Variants in ZNF780A observed in about 807,000 individuals in gnomAD.
ZNF780A encodes the protein zinc finger protein 780A.
Under a neutral mutation model 56.7 loss-of-function variants are expected in ZNF780A, and 40 were observed. That is an observed-to-expected ratio of 0.71 (90% CI 0.55 to 0.92). The LOEUF is 0.92. Among genes scored for constraint, ZNF780A ranks in the 40% least tolerant of loss-of-function variants. ZNF780A has a pLI of 0.00. For synonymous variants in ZNF780A, 231 were observed against 248.3 expected (o/e 0.93, Z 0.66); for missense variants, 672 against 783.3 (o/e 0.86, Z 1.70).
chr19:40,083,859 G>T (rs1332673761), intron 3 of ZNF780A, among the ~76,000 whole-genome samples: 2 of 151,744 alleles, frequency 1.3e-5, no homozygotes, highest in South Asian at 2.1e-4. Context: ...GTTGAGGATG[G>T]CCAGGGCCTC....
At chr19:40,086,374 C>T (rs1214242648) in intron 2 of ZNF780A, among the ~76,000 whole-genome samples, 3 of 152,112 alleles carry the variant, frequency 2.0e-5, no homozygotes, top group Non-Finnish European at 2.9e-5. Flanking sequence ...GAGCCTGTCA[C>T]GAGATTCAAC....
At chr19:40,086,784 C>A (rs550599771) in intron 2 of ZNF780A, among the ~76,000 whole-genome samples, 1 of 152,164 alleles carries the variant, frequency 6.6e-6, no homozygotes, top group Non-Finnish European at 1.5e-5. Flanking sequence ...CTCACTGCAA[C>A]CTCAGCCTCC....
At position 40,075,896 on chromosome 19, in the gene ZNF780A, C is replaced by T; in HGVS notation, c.546G>A (p.Gln182=). 1 of 1,614,066 alleles carries T rather than the reference C, an allele frequency of 6.2e-7. No individual in the cohort carries two copies. The highest frequency in any genetic ancestry group is 8.5e-7 in the Non-Finnish European group (1 of 1,179,994). ...TCTCTCCAGTATGAATACTCTGATG[C>T]TGAATAAGATTTGCACTACGACTAA... is the stretch of plus-strand genomic sequence containing the variant. ...KYFSRSANLI[Q]HQSIHTGEKP... The change falls in exon 6 of 6, where the codon CAG becomes CAA. Residue 182 remains glutamine (Q), a synonymous_variant. Coordinates refer to ENST00000683561, the MANE Select transcript of ZNF780A (RefSeq NM_001142578.2).
At chr19:40,089,435 T>C (rs946931083) in intron 2 of ZNF780A, 2 of 580,292 alleles carry the variant, frequency 3.4e-6, no homozygotes, top group Non-Finnish European at 5.4e-6. Flanking sequence ...TCAAGGGGAA[T>C]GACTTAAAAT....
chr19:40,074,553 C>T lies in ZNF780A; in HGVS notation c.1889G>A (p.Arg630His), dbSNP rs199635390. ...CTCACCTGTGTGAATGTTCTTATGG[C>T]GATTAAGCTGGGTGGGAAGACTAAA... The part of the protein sequence containing the change: ...KVFSLPTQLN[R>H]HKNIHTGEKA... The change falls in exon 6 of 6, where the codon CGC (arginine) becomes CAC (histidine). Residue 630 changes from arginine (R) to histidine (H), a missense_variant. By Grantham distance (29) the Arg-to-His change is conservative (BLOSUM62 0). Coordinates refer to ENST00000683561, the MANE Select transcript of ZNF780A (RefSeq NM_001142578.2). The T allele has an allele frequency of 2.4e-5, 39 of 1,613,710 alleles. No individual in the cohort carries two copies. The highest frequency in any genetic ancestry group is 1.6e-4 in the Middle Eastern group (1 of 6,080).
intron 3 of ZNF780A, among the ~76,000 whole-genome samples, chr19:40,083,785 A>G (rs558433475): frequency 1.3e-5 from 2 of 152,048 alleles, no homozygotes; most frequent in Non-Finnish European, 2.9e-5. Context: ...ACTGATTTTT[A>G]TAAGCTGCAT....
intron 5 of ZNF780A, 132 bp downstream of exon 5, chr19:40,081,687 G>C: frequency 1.4e-6 from 1 of 694,184 alleles, no homozygotes; most frequent in Admixed American, 2.5e-5. Context: ...CCCAGGTCTT[G>C]GGCATTTTTA....
intron 4 of ZNF780A, 95 bp downstream of exon 4, chr19:40,083,015 CA>C: frequency 6.3e-7 from 1 of 1,592,664 alleles, no homozygotes; most frequent in South Asian, 1.1e-5. Flanking sequence ...AGAAGGAATT[CA>C]GCCACCTCTT....
At position 40,075,698 on chromosome 19, in the gene ZNF780A, C is replaced by T. The variant is rs755670108; in HGVS notation, c.744G>A (p.Leu248=). 9 of 1,614,070 alleles carry T rather than the reference C, an allele frequency of 5.6e-6. No homozygotes were observed. Among genetic ancestry groups the T allele is most frequent in the South Asian group, 2.2e-5 (2 of 91,072 alleles). ...RHKNIHTGEK[L]FECKECGKSF... ...ACTTCCCACATTCCTTACATTCAAA[C>T]AGTTTCTCACCTGTGTGAATGTTCT... The change falls in exon 6 of 6, where the codon CTG becomes CTA. Residue 248 remains leucine (L), a synonymous_variant. Transcript: ENST00000683561.
In ZNF780A at chr19:40,075,916, G is replaced by A. The variant is rs748203013; in HGVS notation, c.526C>T (p.Arg176Cys). The change falls in exon 6 of 6, where the codon CGT becomes TGT. Residue 176 changes from arginine (R) to cysteine (C), a missense_variant. Arg to Cys is a radical substitution (Grantham distance 180). Coordinates refer to ENST00000683561, the MANE Select transcript of ZNF780A (RefSeq NM_001142578.2). Reference protein sequence around the residue: ...ECKECGKYFSRSANLIQHQSI... With the variant: ...ECKECGKYFSCSANLIQHQSI... The stretch of plus-strand genomic sequence containing the variant: ...TGATGCTGAATAAGATTTGCACTAC[G>A]ACTAAAGTATTTCCCACATTCCTTA... 142 of 1,613,966 alleles carry A rather than the reference G, an allele frequency of 8.8e-5. No homozygotes were observed. Among genetic ancestry groups the A allele is most frequent in the South Asian group, 1.4e-4 (13 of 91,082 alleles).
chr19:40,088,641 T>C (rs559580716), intron 2 of ZNF780A, among the ~76,000 whole-genome samples: 1 of 152,210 alleles, frequency 6.6e-6, no homozygotes, highest in Non-Finnish European at 1.5e-5. Context: ...GCCATCCCAC[T>C]ACTGGGAATA....
intron 5 of ZNF780A, among the ~76,000 whole-genome samples, chr19:40,081,504 C>T (rs1974473319): frequency 6.7e-6 from 1 of 148,992 alleles, no homozygotes; most frequent in East Asian, 2.0e-4. Flanking sequence ...CTGCACTCCA[C>T]ACTGCAGGAC....
chr19:40,090,305 C>G (rs1975084320), intron 1 of ZNF780A, 70 bp from the exon 2 acceptor site: 1 of 152,134 alleles, frequency 6.6e-6, no homozygotes, highest in African/African-American at 2.4e-5. Flanking sequence ...TGAAAACACC[C>G]TCCCTCCATA....
chr19:40,083,369 A>G lies in ZNF780A; in HGVS notation c.10-132T>C, dbSNP rs185780755. On this transcript the variant is annotated intron_variant, in intron 3 of 5. Transcript: ENST00000683561. ...TCACAGAGTGCCTGCACATTCTTCAAGAAGTCTCCTGCTGGCTGAGTATGG... is the reference window on the plus strand; with the variant it reads ...TCACAGAGTGCCTGCACATTCTTCAGGAAGTCTCCTGCTGGCTGAGTATGG... 258 of 1,388,564 alleles carry G rather than the reference A, an allele frequency of 1.9e-4. No homozygotes were observed. In the African/African-American group the frequency reaches 3.4e-3, roughly 18 times the overall value. 86.0% of individuals were successfully genotyped at this position (1,388,564 alleles called of 1,614,324 possible). A position where few individuals can be genotyped will look rare whatever the true frequency, so the allele number is the denominator to read the frequency against.
At position 40,074,327 on chromosome 19, in the gene ZNF780A, G is replaced by T. The variant is rs1342905364; in HGVS notation, c.*189C>A. The T allele has an allele frequency of 2.6e-6, 4 of 1,517,794 alleles. No individual in the cohort carries two copies. The highest frequency in any genetic ancestry group is 3.5e-6 in the Non-Finnish European group (4 of 1,137,562). 94.0% of individuals were successfully genotyped at this position (1,517,794 alleles called of 1,614,324 possible). On this transcript the variant is annotated 3_prime_UTR_variant, in exon 6 of 6. Coordinates refer to ENST00000683561, the MANE Select transcript of ZNF780A (RefSeq NM_001142578.2). ...AAATAAGTGGTAATGATATCTAAAGGTCGTCCTCCACTCCTTGCATACAAA... is the reference window on the plus strand; with the variant it reads ...AAATAAGTGGTAATGATATCTAAAGTTCGTCCTCCACTCCTTGCATACAAA...
intron 5 of ZNF780A, among the ~76,000 whole-genome samples, chr19:40,079,960 G>T (rs529257926): frequency 3.8e-4 from 57 of 151,868 alleles, no homozygotes; most frequent in Non-Finnish European, 7.5e-4. Flanking sequence ...AAAGATCAAT[G>T]AAATGAAAGG....
chr19:40,069,597 TAATA>T (rs1417511635), downstream of ZNF780A: 1 of 152,136 alleles, frequency 6.6e-6, no homozygotes, highest in East Asian at 1.9e-4. Context: ...ACCATCTCTA[TAATA>T]GTTCATTGGA....
rs427461 is a variant in ZNF780A at position 40,073,935 on chromosome 19, C to A, written c.*581G>T. Reference sequence around the variant, plus strand: ...CTTTCCCATATTCCTTACATTATAGCGTTTCTCACCAGTATGAATTTTAAC... The same window carrying A: ...CTTTCCCATATTCCTTACATTATAGAGTTTCTCACCAGTATGAATTTTAAC... On this transcript the variant is annotated 3_prime_UTR_variant, in exon 6 of 6. Transcript: ENST00000683561. 9.7e-7 allele frequency: 1 copy of A among 1,029,676 alleles called. No homozygotes were observed. Among genetic ancestry groups the A allele is most frequent in the East Asian group, 9.2e-5 (1 of 10,926 alleles). The allele number at this position is 1,029,676 out of a possible 1,614,324, so 63.8% of individuals were successfully genotyped here.
At chr19:40,076,288 C>T in intron 5 of ZNF780A, 79 bp from the exon 6 acceptor site, 1 of 1,366,550 alleles carries the variant, frequency 7.3e-7, no homozygotes, top group South Asian at 1.6e-5. Context: ...TCAACTGAAA[C>T]CATCAATTCA....
Sources: gnomAD v4.1 joint callset for allele counts (sites outside exome capture counted in the v4.1 genomes callset) on GRCh38, gnomAD v4.1.1 for gene constraint, MANE v1.5 for transcripts, NCBI Gene and HGNC (gene_info 2026-07-23, HGNC 2026-07-21) for gene names.